Variants in TBC1D2B observed in about 807,000 individuals in gnomAD.
TBC1D2B encodes the protein TBC1 domain family member 2B, also known as TBC1 domain family, member 2B.
In TBC1D2B, 64 loss-of-function variants were observed where a neutral mutation model predicts 100.8. That is an observed-to-expected ratio of 0.64 (90% CI 0.52 to 0.78). TBC1D2B has a LOEUF of 0.78. TBC1D2B is among the 30% of genes least tolerant of loss of function. The pLI is 0.00. For synonymous variants in TBC1D2B, 480 were observed against 479.7 expected (o/e 1.00, Z -0.01); for missense variants, 1,052 against 1,218.4 (o/e 0.86, Z 2.03).
intron 2 of TBC1D2B, among the ~76,000 whole-genome samples, chr15:78,046,082 G>T (rs1173851796): frequency 6.6e-6 from 1 of 151,818 alleles, no homozygotes; most frequent in African/African-American, 2.4e-5. Context: ...CAGGCACCCA[G>T]CACCACACCT....
intron 1 of TBC1D2B, among the ~76,000 whole-genome samples, chr15:78,064,972 A>C (rs1180644814): frequency 6.6e-6 from 1 of 152,158 alleles, no homozygotes; most frequent in East Asian, 1.9e-4. Context: ...CTTACAAAAT[A>C]ATTGTATCTT....
intron 3 of TBC1D2B, among the ~76,000 whole-genome samples, chr15:78,040,838 A>AAAAGAAAGAAAGGAAG (rs1555420828): frequency 3.0e-4 from 5 of 16,568 alleles, no homozygotes; most frequent in Non-Finnish European, 5.3e-4. Flanking sequence ...AAAGAAAGAA[A>AAAAGAAAGAAAGGAAG]AAAGAAAGAA....
intron 1 of TBC1D2B, among the ~76,000 whole-genome samples, chr15:78,069,001 G>C (rs927295118): frequency 0.016 from 8 of 514 alleles, no homozygotes; most frequent in Non-Finnish European, 0.025. Flanking sequence ...TTCTACAATG[G>C]TGGGGGTCTT....
intron 8 of TBC1D2B, among the ~76,000 whole-genome samples, chr15:78,015,026 C>T (rs996949621): frequency 6.6e-6 from 1 of 152,042 alleles, no homozygotes; most frequent in South Asian, 2.1e-4. Context: ...ACGGTGAAAC[C>T]CTGTCTCTGC....
chr15:77,995,736 A>G lies in TBC1D2B; in HGVS notation c.*2424T>C, dbSNP rs35789007. ...GGAGCTCCCCTCGGTCCTGGTGCGC[A>G]CGTTTGGACAGGCCTTTGGGTTTCC... On this transcript the variant is annotated 3_prime_UTR_variant, in exon 13 of 13. Coordinates refer to ENST00000300584, the MANE Select transcript of TBC1D2B (RefSeq NM_144572.2). 4 of 152,494 alleles carry G rather than the reference A, an allele frequency of 2.6e-5. No individual in the cohort carries two copies. The highest frequency in any genetic ancestry group is 4.4e-5 in the Non-Finnish European group (3 of 68,076). The allele number at this position is 152,494 out of a possible 1,614,324, so 9.4% of individuals were successfully genotyped here.
intron 8 of TBC1D2B, among the ~76,000 whole-genome samples, chr15:78,016,279 T>C (rs895369073): frequency 2.6e-5 from 4 of 152,128 alleles, no homozygotes; most frequent in African/African-American, 9.7e-5. Flanking sequence ...TGGCTCCTCC[T>C]GAAGTAAGGA....
chr15:78,005,256 GGAGGACATGGAAT>G (rs1164904725), intron 10 of TBC1D2B, among the ~76,000 whole-genome samples: 3 of 152,178 alleles, frequency 2.0e-5, no homozygotes, highest in African/African-American at 4.8e-5. Context: ...ACTGAGCTCT[GGAGGACATGGAAT>G]GACTGTGTCA....
intron 1 of TBC1D2B, among the ~76,000 whole-genome samples, chr15:78,063,856 GCCTCT>G (rs2073600258): frequency 1.3e-5 from 2 of 151,182 alleles, no homozygotes; most frequent in African/African-American, 4.9e-5. Context: ...CTACCCCTGG[GCCTCT>G]GGGTCTCCAG....
At chr15:78,036,436 G>C (rs930167568) in intron 3 of TBC1D2B, among the ~76,000 whole-genome samples, 1 of 152,154 alleles carries the variant, frequency 6.6e-6, no homozygotes, top group African/African-American at 2.4e-5. Context: ...ATTAAGAGGT[G>C]ATTAGGCCAT....
chr15:78,061,212 C>A (rs62011516), intron 1 of TBC1D2B, among the ~76,000 whole-genome samples: 1 of 151,474 alleles, frequency 6.6e-6, no homozygotes, highest in African/African-American at 2.4e-5. Flanking sequence ...CCATTGCACT[C>A]CAACCTAGGC....
At chr15:77,998,378 C>T in intron 12 of TBC1D2B, 23 bp from the exon 13 acceptor site, 2 of 1,548,816 alleles carry the variant, frequency 1.3e-6, no homozygotes, top group African/African-American at 1.4e-5. Flanking sequence ...AGGGGAGAGA[C>T]AAGAGAATCA....
Position 78,003,321 on chromosome 15 carries a change from A to G in TBC1D2B, c.2558T>C (p.Leu853Pro), listed in dbSNP as rs1478200742. The change falls in exon 11 of 13, where the codon CTT (leucine) becomes CCT (proline). Residue 853 changes from leucine to proline, a missense_variant. This residue lies in a region of TBC1D2B where 373 missense variants were observed against 464.9 expected (regional missense o/e 0.80). Coordinates refer to ENST00000300584, the MANE Select transcript of TBC1D2B (RefSeq NM_144572.2). ...CTAACTCACCTTTGGTCCTTCATAA[A>G]GGAAAGAGTCCCATATTTTAAAGAG... is the stretch of plus-strand genomic sequence containing the variant. ...DILFKIWDSF[L>P]YEGPKVIFRF... 1 of 1,613,628 alleles carries G rather than the reference A, an allele frequency of 6.2e-7. No individual in the cohort carries two copies.
intron 12 of TBC1D2B, among the ~76,000 whole-genome samples, chr15:77,999,799 G>A (rs1047343863): frequency 2.6e-5 from 4 of 152,222 alleles, no homozygotes; most frequent in African/African-American, 9.6e-5. Context: ...CACCCGGGAC[G>A]CCAGACCCCA....
chr15:78,077,673 A>G lies in TBC1D2B; in HGVS notation c.-21T>C. 1.0e-6 allele frequency: 1 copy of G among 984,652 alleles called. No homozygotes were observed. The highest frequency in any genetic ancestry group is 1.2e-6 in the Non-Finnish European group (1 of 831,272). 61.0% of individuals were successfully genotyped at this position (984,652 alleles called of 1,614,324 possible). A position where few individuals can be genotyped will look rare whatever the true frequency, so the allele number is the denominator to read the frequency against. On this transcript the variant is annotated 5_prime_UTR_variant, in exon 1 of 13. Transcript: ENST00000300584. ...GGCATCGCTACCGCGCGCCAACCGT[A>G]GGCGCCCGCGCCCTGCGCCTCCGCG...
At chr15:78,027,525 C>T (rs899363461) in intron 4 of TBC1D2B, among the ~76,000 whole-genome samples, 2 of 152,180 alleles carry the variant, frequency 1.3e-5, no homozygotes, top group African/African-American at 2.4e-5. Flanking sequence ...AGAGTAAGAT[C>T]AAAGTCTAGT....
rs1222621975 is a variant in TBC1D2B at position 78,025,461 on chromosome 15, C to T, written c.884G>A (p.Arg295His). The T allele has an allele frequency of 5.0e-6, 8 of 1,613,526 alleles. No homozygotes were observed. In the Admixed American group the frequency reaches 5.0e-5, roughly 10 times the overall value. ...AGGGCGCTTTCCTTTGTAGGGGTTA[C>T]GTCCAAAATCAAAGGGGAATCCTGA... is the stretch of plus-strand genomic sequence containing the variant. ...TGSGFPFDFGRNPYKGKRPLK... is the reference protein window; with the variant it reads ...TGSGFPFDFGHNPYKGKRPLK... Residue 295 changes from arginine (R) to histidine (H), a missense_variant, in exon 5 of 13, where the codon CGT becomes CAT. Arg to His is a conservative substitution (Grantham distance 29). Transcript: ENST00000300584.
At chr15:78,076,334 G>A (rs190908765) in intron 1 of TBC1D2B, among the ~76,000 whole-genome samples, 25 of 152,346 alleles carry the variant, frequency 1.6e-4, no homozygotes. Context: ...ACAAAGCAAG[G>A]AGGAAGAACA....
At position 78,024,553 on chromosome 15, in the gene TBC1D2B, G is replaced by C; in HGVS notation, c.1087-14C>G. The C allele has an allele frequency of 6.3e-7, 1 of 1,597,974 alleles. No homozygotes were observed. The highest frequency in any genetic ancestry group is 8.5e-7 in the Non-Finnish European group (1 of 1,170,980). On this transcript the variant is annotated splice_polypyrimidine_tract_variant and intron_variant, in intron 5 of 12. Transcript: ENST00000300584. ...TCGAACAAGCTCCTGGGAGCCAAAA[G>C]GAGAATGGAGTGAAGGGTGAAAAGA...
intron 4 of TBC1D2B, among the ~76,000 whole-genome samples, chr15:78,029,659 C>G (rs1317352505): frequency 6.6e-6 from 1 of 152,144 alleles, no homozygotes; most frequent in Non-Finnish European, 1.5e-5. Context: ...ATTGTAGAAG[C>G]TGGATGATGT....
Sources: allele counts gnomAD v4.1 joint callset (sites outside exome capture counted in the v4.1 genomes callset), GRCh38; gene constraint gnomAD v4.1.1; regional missense constraint gnomAD v4.1.1; transcripts MANE v1.5; gene names NCBI Gene and HGNC (gene_info 2026-07-23, HGNC 2026-07-21).